Variants in PCDHA2 observed in about 807,000 individuals in gnomAD.
PCDHA2 encodes the protein protocadherin alpha 2, also known as protocadherin alpha-2.
Under a neutral mutation model 66.0 loss-of-function variants are expected in PCDHA2, and 58 were observed. That is an observed-to-expected ratio of 0.88 (90% CI 0.71 to 1.09). The LOEUF is 1.09. Ranked by LOEUF, PCDHA2 falls within the 50% of genes least tolerant of loss-of-function variation. The probability of loss-of-function intolerance (pLI) is 0.00; values close to 1 mark genes in which losing one functional copy is unlikely to be tolerated. For synonymous variants in PCDHA2, 634 were observed against 554.0 expected (o/e 1.14, Z -2.03); for missense variants, 1,267 against 1,242.3 (o/e 1.02, Z -0.30).
intron 3 of PCDHA2, among the ~76,000 whole-genome samples, chr5:140,998,369 C>T (rs530777656): frequency 1.3e-5 from 2 of 152,210 alleles, no homozygotes; most frequent in South Asian, 2.1e-4. Context: ...CTGCACACAC[C>T]GTCTCTAGAA....
In PCDHA2 at chr5:140,969,339, A is replaced by G. The variant is rs1563390643; in HGVS notation, c.2389-9610A>G. On this transcript the variant is annotated intron_variant, in intron 1 of 3. Transcript: ENST00000526136. ...GCTGTTTCTCAAAATGAGGTGAGAC[A>G]GTGGTCAGGGGGTCTTCTACAAACT... 5 of 1,613,830 alleles carry G rather than the reference A, an allele frequency of 3.1e-6. No homozygotes were observed. The South Asian group carries it at 4.4e-5, about 14-fold the overall frequency.
At chr5:140,952,057 C>T (rs1214818651) in intron 1 of PCDHA2, among the ~76,000 whole-genome samples, 1 of 152,164 alleles carries the variant, frequency 6.6e-6, no homozygotes, top group Non-Finnish European at 1.5e-5. Flanking sequence ...AATCTTAAAG[C>T]TCCAAATAAT....
chr5:140,823,460 C>T lies in PCDHA2; in HGVS notation c.2388+26108C>T, dbSNP rs2150125979. 19 of 1,613,290 alleles carry T rather than the reference C, an allele frequency of 1.2e-5. No homozygotes were observed. The highest frequency in any genetic ancestry group is 6.7e-5 in the Admixed American group (4 of 59,980). ...GTGCTGGACGAGAACGACAACGCGC[C>T]GGCGCTGCTGGTGCCTCGAGTGGGT... On this transcript the variant is annotated intron_variant, in intron 1 of 3. Coordinates refer to ENST00000526136, the MANE Select transcript of PCDHA2 (RefSeq NM_018905.3).
chr5:140,801,659 A>G (rs1554121613), intron 1 of PCDHA2: 3 of 1,614,072 alleles, frequency 1.9e-6, no homozygotes, highest in African/African-American at 1.3e-5. Context: ...GGTTTTCGCT[A>G]GAGGGCGCAT....
chr5:140,908,949 G>A (rs2074237561), intron 1 of PCDHA2, among the ~76,000 whole-genome samples: 1 of 152,144 alleles, frequency 6.6e-6, no homozygotes, highest in South Asian at 2.1e-4. Context: ...CTTCACCTTA[G>A]AAGGAATATC....
rs370847724 is a variant in PCDHA2 at position 140,807,494 on chromosome 5, A to G, written c.2388+10142A>G. On this transcript the variant is annotated intron_variant, in intron 1 of 3. Transcript: ENST00000526136. ...GCTGTGCCGGCGGAGCGCGGAGTGC[A>G]GCATCCACCTGGAGGTGATCGTAGA... 139 of 1,613,554 alleles carry G rather than the reference A, an allele frequency of 8.6e-5. No individual in the cohort carries two copies. The highest frequency in any genetic ancestry group is 1.1e-4 in the Non-Finnish European group (134 of 1,179,906).
intron 1 of PCDHA2, chr5:140,801,474 G>C: frequency 6.2e-7 from 1 of 1,614,096 alleles, no homozygotes; most frequent in East Asian, 2.2e-5. Flanking sequence ...GATAGACCGC[G>C]AGGAACTGTG....
intron 1 of PCDHA2, chr5:140,929,483 G>A: frequency 8.4e-7 from 1 of 1,192,950 alleles, no homozygotes; most frequent in Non-Finnish European, 1.1e-6. Context: ...AAGTATAGAA[G>A]TATTAGAAGA....
chr5:140,952,338 CAAA>C (rs55931446), intron 1 of PCDHA2, among the ~76,000 whole-genome samples: 80,539 of 134,836 alleles, frequency 0.6, 22,945 homozygotes, highest in African/African-American at 0.71. Context: ...AACTCCATCT[CAAA>C]AAAAAAAAAA....
intron 1 of PCDHA2, chr5:140,858,116 G>T: frequency 1.3e-6 from 2 of 1,597,882 alleles, no homozygotes; most frequent in Non-Finnish European, 1.7e-6. Context: ...GCCCGAGGTG[G>T]CCCTGGTGGA....
intron 3 of PCDHA2, among the ~76,000 whole-genome samples, chr5:141,002,021 C>A (rs1177146388): frequency 2.6e-5 from 4 of 152,184 alleles, no homozygotes; most frequent in Admixed American, 6.5e-5. Flanking sequence ...GCACAGCCTT[C>A]GGTGCCCTGA....
At chr5:140,836,457 G>C (rs2150261358) in intron 1 of PCDHA2, 2 of 1,613,694 alleles carry the variant, frequency 1.2e-6, no homozygotes, top group Non-Finnish European at 1.7e-6. Context: ...CCCAGAGACC[G>C]AGCTGGTGGA....
At chr5:140,996,922 A>T (rs2097752714) in intron 3 of PCDHA2, among the ~76,000 whole-genome samples, 1 of 152,198 alleles carries the variant, frequency 6.6e-6, no homozygotes, top group African/African-American at 2.4e-5. Flanking sequence ...AATATTAAAA[A>T]ATATAGCATT....
intron 1 of PCDHA2, chr5:140,967,430 T>C (rs1554229552): frequency 1.2e-6 from 2 of 1,613,482 alleles, no homozygotes; most frequent in East Asian, 4.5e-5. Context: ...GCAGGCAGCC[T>C]TGCACCACCT....
At chr5:140,830,051 C>T (rs1276520798) in intron 1 of PCDHA2, 2 of 1,613,610 alleles carry the variant, frequency 1.2e-6, no homozygotes, top group Middle Eastern at 1.6e-4. Context: ...GGTGAAAGAC[C>T]ACGGTGAGCC....
intron 1 of PCDHA2, among the ~76,000 whole-genome samples, chr5:140,799,564 T>C (rs1206545873): frequency 6.6e-6 from 1 of 152,124 alleles, no homozygotes; most frequent in African/African-American, 2.4e-5. Flanking sequence ...TTAGAAATTA[T>C]GTAAGTTTGA....
intron 1 of PCDHA2, among the ~76,000 whole-genome samples, chr5:140,922,848 C>A (rs1345344826): frequency 6.6e-6 from 1 of 151,962 alleles, no homozygotes; most frequent in Non-Finnish European, 1.5e-5. Context: ...TCAAAGAGAC[C>A]AAATACATAG....
At chr5:140,801,533 G>A (rs371646424) in intron 1 of PCDHA2, 5 of 1,614,134 alleles carry the variant, frequency 3.1e-6, no homozygotes, top group Non-Finnish European at 4.2e-6. Flanking sequence ...TCGTGGACAG[G>A]CCGCTGCAGG....
At chr5:140,817,374 T>G (rs782433149) in intron 1 of PCDHA2, 1 of 152,242 alleles carries the variant, frequency 6.6e-6, no homozygotes, top group South Asian at 2.1e-4. Context: ...GTTTCGGCAC[T>G]TATCACCATG....
Sources: gnomAD v4.1 joint callset for allele counts (sites outside exome capture counted in the v4.1 genomes callset) on GRCh38, gnomAD v4.1.1 for gene constraint, MANE v1.5 for transcripts, NCBI Gene and HGNC (gene_info 2026-07-23, HGNC 2026-07-21) for gene names.